Variants in ATP8B1 observed in about 807,000 individuals in gnomAD.
ATP8B1 encodes ATPase phospholipid transporting 8B1.
ATP8B1 carries 80 observed loss-of-function variants against 149.9 expected under a neutral mutation model. The ratio of observed to expected loss-of-function variants is 0.53; its 90% CI spans 0.45 to 0.64. The LOEUF is 0.64. Ranked by LOEUF, ATP8B1 falls within the 30% of genes least tolerant of loss-of-function variation. The pLI, the probability that ATP8B1 is intolerant of heterozygous loss-of-function variation, is 0.00. For synonymous variants in ATP8B1, 536 were observed against 562.8 expected (o/e 0.95, Z 0.67); for missense variants, 1,247 against 1,552.6 (o/e 0.80, Z 3.31).
At chr18:57,767,523 C>T (rs1187287338) in intron 1 of ATP8B1, among the ~76,000 whole-genome samples, 1 of 152,148 alleles carries the variant, frequency 6.6e-6, no homozygotes. Flanking sequence ...CTCGGTGGCT[C>T]ATGCCTGTAA....
At chr18:57,752,576 T>A (rs1417894937) in intron 1 of ATP8B1, among the ~76,000 whole-genome samples, 1 of 151,898 alleles carries the variant, frequency 6.6e-6, no homozygotes, top group Non-Finnish European at 1.5e-5. Context: ...AGAAATTCAG[T>A]AACACACACA....
At chr18:57,746,909 A>T (rs1359567188) in intron 1 of ATP8B1, among the ~76,000 whole-genome samples, 1 of 152,192 alleles carries the variant, frequency 6.6e-6, no homozygotes, top group African/African-American at 2.4e-5. Context: ...GATGGTTTGC[A>T]TGTCAAGGCA....
chr18:57,725,002 C>CA (rs1422446563), intron 2 of ATP8B1, among the ~76,000 whole-genome samples: 6 of 116,064 alleles, frequency 5.2e-5, no homozygotes, highest in Non-Finnish European at 1.1e-4. Context: ...ATCGCAAGAA[C>CA]AAAAAACCAA....
chr18:57,785,855 A>G (rs1284905222), intron 1 of ATP8B1, among the ~76,000 whole-genome samples: 1 of 152,220 alleles, frequency 6.6e-6, no homozygotes, highest in Non-Finnish European at 1.5e-5. Context: ...ATGAAGTCCA[A>G]GAAAGAACTT....
At chr18:57,732,930 A>G (rs538689469) in intron 1 of ATP8B1, among the ~76,000 whole-genome samples, 1 of 152,258 alleles carries the variant, frequency 6.6e-6, no homozygotes, top group East Asian at 1.9e-4. Context: ...TTCTGCTAAC[A>G]CTAACGTCCT....
intron 1 of ATP8B1, among the ~76,000 whole-genome samples, chr18:57,759,562 C>A (rs2080126298): frequency 6.6e-6 from 1 of 152,136 alleles, no homozygotes; most frequent in African/African-American, 2.4e-5. Context: ...GTAATCCCAG[C>A]ACTTCGGGAG....
At chr18:57,739,507 G>A (rs964010897) in intron 1 of ATP8B1, among the ~76,000 whole-genome samples, 22 of 152,158 alleles carry the variant, frequency 1.4e-4, no homozygotes, top group Non-Finnish European at 2.9e-4. Context: ...GAACAGATTG[G>A]TCTGTGAATA....
chr18:57,731,873 C>T (rs1340620316), intron 1 of ATP8B1, 41 bp from the exon 2 acceptor site: 1 of 1,595,480 alleles, frequency 6.3e-7, no homozygotes. Context: ...ATGACTCTTG[C>T]CCAGTTTTTG....
At chr18:57,752,168 C>T (rs1041063445) in intron 1 of ATP8B1, among the ~76,000 whole-genome samples, 1 of 151,102 alleles carries the variant, frequency 6.6e-6, no homozygotes, top group East Asian at 1.9e-4. Context: ...GACTGCACCA[C>T]GGCACTCCAG....
intron 1 of ATP8B1, among the ~76,000 whole-genome samples, chr18:57,776,698 AAAAG>A (rs1223937694): frequency 3.3e-5 from 5 of 152,078 alleles, no homozygotes; most frequent in East Asian, 1.9e-4. Context: ...AAAAAAAAAA[AAAAG>A]AAAGAAAAAA....
At chr18:57,729,885 A>G (rs539680948) in intron 2 of ATP8B1, among the ~76,000 whole-genome samples, 130 of 152,250 alleles carry the variant, frequency 8.5e-4, no homozygotes, top group Middle Eastern at 3.4e-3. Flanking sequence ...AAGTATCATG[A>G]GTTTAGTACC....
chr18:57,674,841 A>T lies in ATP8B1; in HGVS notation c.1812T>A (p.Ser604=). Residue 604 remains serine (S), a synonymous_variant, in exon 16 of 28, where the codon TCT becomes TCA. Transcript: ENST00000648908. ...ACTCTGAGGGGGACTTACCAATGAT[A>T]GACATTCGCTTCCGGTCACTGTTGA... The part of the protein sequence containing the change: ...LDFNSDRKRM[S]IIVRTPEGNI... 5 of 1,614,032 alleles carry T rather than the reference A, an allele frequency of 3.1e-6. No individual in the cohort carries two copies. Among genetic ancestry groups the T allele is most frequent in the Non-Finnish European group, 4.2e-6 (5 of 1,179,916 alleles).
At chr18:57,708,760 A>T (rs1195601520) in intron 2 of ATP8B1, among the ~76,000 whole-genome samples, 3 of 152,246 alleles carry the variant, frequency 2.0e-5, no homozygotes, top group African/African-American at 7.2e-5. Context: ...GGAGCTGGAC[A>T]TAATGATCTT....
chr18:57,726,817 T>C (rs1361855703), intron 2 of ATP8B1, among the ~76,000 whole-genome samples: 2 of 152,222 alleles, frequency 1.3e-5, no homozygotes, highest in Non-Finnish European at 2.9e-5. Flanking sequence ...CAGTGGTTCA[T>C]GCCTGTAATC....
intron 2 of ATP8B1, 103 bp downstream of exon 2, chr18:57,731,524 T>A (rs651867): frequency 7.5e-7 from 1 of 1,326,948 alleles, no homozygotes; most frequent in Non-Finnish European, 1.1e-6. Flanking sequence ...GAGAAGATTC[T>A]CTCCTAGACC....
intron 23 of ATP8B1, 77 bp from the exon 24 acceptor site, chr18:57,654,152 C>G: frequency 8.2e-7 from 1 of 1,226,286 alleles, no homozygotes; most frequent in East Asian, 2.4e-5. Flanking sequence ...TCATCTGCTT[C>G]CTTTATTTAA....
At chr18:57,788,679 C>T (rs2080433464) in intron 1 of ATP8B1, among the ~76,000 whole-genome samples, 1 of 152,166 alleles carries the variant, frequency 6.6e-6, no homozygotes, top group Admixed American at 6.5e-5. Context: ...CCCTGCTTCC[C>T]TTGTGTTTCT....
chr18:57,667,302 C>G (rs1278091023), intron 19 of ATP8B1, 135 bp from the exon 20 acceptor site: 1 of 704,508 alleles, frequency 1.4e-6, no homozygotes, highest in Non-Finnish European at 2.5e-6. Flanking sequence ...ACTACAGCCT[C>G]AACCTCCAGG....
Position 57,665,841 on chromosome 18 carries a change from G to A in ATP8B1, c.2285+1251C>T, listed in dbSNP as rs562389734. ...GCTGGTATTACAAGCATGAGCCACC[G>A]TGCCCAGCCTGTTGCTACTTTTTTA... On this transcript the variant is annotated intron_variant, in intron 20 of 27. Transcript: ENST00000648908. 1.2e-4 allele frequency among the ~76,000 whole-genome samples: 18 copies of A among 152,068 alleles called. No individual in the cohort carries two copies. The South Asian group carries it at 1.7e-3, about 14-fold the overall frequency.
Sources: gnomAD v4.1 joint callset for allele counts (sites outside exome capture counted in the v4.1 genomes callset) on GRCh38, gnomAD v4.1.1 for gene constraint, MANE v1.5 for transcripts, NCBI Gene and HGNC (gene_info 2026-07-23, HGNC 2026-07-21) for gene names.